CAB39L: variants seen among roughly 807,000 people sequenced by gnomAD.
CAB39L encodes calcium binding protein 39 like, also known as calcium-binding protein 39-like.
Under a neutral mutation model 39.1 loss-of-function variants are expected in CAB39L, and 23 were observed. The observed-to-expected ratio is 0.59, with a 90% CI of 0.42 to 0.83. CAB39L has a LOEUF of 0.83. CAB39L is among the 40% of genes least tolerant of loss of function. The probability of loss-of-function intolerance (pLI) is 0.00; values close to 1 mark genes in which losing one functional copy is unlikely to be tolerated. For missense variants in CAB39L, 366 were observed against 391.9 expected (o/e 0.93, Z 0.56); for synonymous variants, 126 against 137.2 (o/e 0.92, Z 0.57).
chr13:49,367,075 A>G (rs572139604), intron 5 of CAB39L, among the ~76,000 whole-genome samples: 1 of 152,258 alleles, frequency 6.6e-6, no homozygotes, highest in African/African-American at 2.4e-5. Flanking sequence ...AATCCCAGGC[A>G]AGAAATTACT....
In CAB39L at chr13:49,382,958, C is replaced by T. The variant is rs1352311950; in HGVS notation, c.-31-17G>A. ...TATGGAATGCTAAAAACAAATAAGCCAACAAAAATTATAACTTTAACTCTT... is the reference window on the plus strand; with the variant it reads ...TATGGAATGCTAAAAACAAATAAGCTAACAAAAATTATAACTTTAACTCTT... On this transcript the variant is annotated splice_polypyrimidine_tract_variant and intron_variant, in intron 3 of 10. Coordinates refer to ENST00000409308, the MANE Select transcript of CAB39L (RefSeq NM_001079670.3). The T allele has an allele frequency of 9.0e-7, 1 of 1,106,874 alleles. No homozygotes were observed. Among genetic ancestry groups the T allele is most frequent in the East Asian group, 2.4e-5 (1 of 41,786 alleles). The allele number at this position is 1,106,874 out of a possible 1,614,324, so 68.6% of individuals were successfully genotyped here. A position where few individuals can be genotyped will look rare whatever the true frequency, so the allele number is the denominator to read the frequency against.
intron 10 of CAB39L, among the ~76,000 whole-genome samples, chr13:49,317,860 A>G (rs1954207148): frequency 6.6e-6 from 1 of 152,190 alleles, no homozygotes; most frequent in African/African-American, 2.4e-5. Context: ...TGCAAATCAT[A>G]TATCTGATCA....
At chr13:49,425,202 G>A (rs1298926590) in intron 3 of CAB39L, among the ~76,000 whole-genome samples, 1 of 147,352 alleles carries the variant, frequency 6.8e-6, no homozygotes, top group Non-Finnish European at 1.5e-5. Context: ...AACTAAACAG[G>A]AGAACATTTT....
intron 3 of CAB39L, among the ~76,000 whole-genome samples, chr13:49,430,559 T>C (rs1308528757): frequency 6.6e-6 from 1 of 152,034 alleles, no homozygotes; most frequent in East Asian, 1.9e-4. Context: ...TAACTATACA[T>C]TTCTTTTTTC....
At chr13:49,339,772 T>C (rs1954953183) in intron 8 of CAB39L, 30 bp from the exon 9 acceptor site, 3 of 1,521,906 alleles carry the variant, frequency 2.0e-6, no homozygotes, top group East Asian at 2.4e-5. Context: ...CATTAGAGTG[T>C]AAAAGCAGCA....
At chr13:49,344,708 A>T (rs1182551100) in intron 7 of CAB39L, among the ~76,000 whole-genome samples, 1 of 152,038 alleles carries the variant, frequency 6.6e-6, no homozygotes, top group Non-Finnish European at 1.5e-5. Context: ...TATTTTTAGC[A>T]GAGACGGGTT....
intron 3 of CAB39L, among the ~76,000 whole-genome samples, chr13:49,388,724 A>G (rs1467681455): frequency 6.6e-6 from 1 of 152,204 alleles, no homozygotes; most frequent in Non-Finnish European, 1.5e-5. Context: ...AGAATCTACA[A>G]TTATAACTCA....
At position 49,309,701 on chromosome 13, in the gene CAB39L, A is replaced by G. The variant is rs1953933282; in HGVS notation, c.*1113T>C. 1 of 152,248 alleles carries G rather than the reference A, an allele frequency of 6.6e-6. No homozygotes were observed. Among genetic ancestry groups the G allele is most frequent in the Non-Finnish European group, 1.5e-5 (1 of 68,046 alleles). The allele number at this position is 152,248 out of a possible 1,614,324, so 9.4% of individuals were successfully genotyped here. A position where few individuals can be genotyped will look rare whatever the true frequency, so the allele number is the denominator to read the frequency against. On this transcript the variant is annotated 3_prime_UTR_variant, in exon 11 of 11. Transcript: ENST00000409308. ...TAGTCACAAGAGACTATTCAGGACC[A>G]AAACTGTATAGGCTTTCTATGTGTT...
At chr13:49,364,991 C>A (rs1333831854) in intron 5 of CAB39L, among the ~76,000 whole-genome samples, 6 of 151,976 alleles carry the variant, frequency 3.9e-5, no homozygotes, top group Non-Finnish European at 8.8e-5. Flanking sequence ...TAGCCAAAAC[C>A]ATCATGAGCA....
chr13:49,429,478 C>T (rs1278888953), intron 3 of CAB39L, among the ~76,000 whole-genome samples: 1 of 152,194 alleles, frequency 6.6e-6, no homozygotes. Context: ...CCATTTGTCA[C>T]TCTCATAGTC....
chr13:49,373,222 G>C (rs1196459542), intron 5 of CAB39L, among the ~76,000 whole-genome samples: 1 of 152,118 alleles, frequency 6.6e-6, no homozygotes, highest in East Asian at 1.9e-4. Context: ...TGGCCAAAGA[G>C]GGCATTTCTC....
At position 49,310,859 on chromosome 13, in the gene CAB39L, GTTC is replaced by G. The variant is rs1429862179; in HGVS notation, c.966_968del (p.Lys322del). 1.2e-5 allele frequency: 20 copies of G among 1,614,034 alleles called. No homozygotes were observed. The highest frequency in any genetic ancestry group is 1.4e-5 in the Non-Finnish European group (17 of 1,180,040). The stretch of plus-strand genomic sequence containing the variant: ...AGTCTCGGATCTGTTTAATCAAGTA[GTTC>G]TTCTCGTCAGCGAACTGCTCATCAT... On this transcript the variant is annotated inframe_deletion, in exon 11 of 11. Transcript: ENST00000409308.
intron 10 of CAB39L, among the ~76,000 whole-genome samples, chr13:49,331,694 T>C (rs1432788481): frequency 6.6e-6 from 1 of 152,092 alleles, no homozygotes; most frequent in Non-Finnish European, 1.5e-5. Flanking sequence ...GTTTTAGAAG[T>C]TTTGGGAAAG....
chr13:49,373,705 T>C (rs928851120), intron 5 of CAB39L, among the ~76,000 whole-genome samples: 6 of 152,210 alleles, frequency 3.9e-5, no homozygotes, highest in Admixed American at 1.3e-4. Flanking sequence ...ATTCAAACAA[T>C]TCACAAATTA....
chr13:49,339,856 CCTT>C, intron 8 of CAB39L, 114 bp from the exon 9 acceptor site: 1 of 1,228,942 alleles, frequency 8.1e-7, no homozygotes, highest in Non-Finnish European at 1.0e-6. Flanking sequence ...ATTTTACCAT[CCTT>C]CTTTACATGT....
intron 10 of CAB39L, among the ~76,000 whole-genome samples, chr13:49,317,945 GA>G (rs1176211033): frequency 6.6e-6 from 1 of 151,944 alleles, no homozygotes; most frequent in Non-Finnish European, 1.5e-5. Flanking sequence ...CCAAAAAGGG[GA>G]AAAGAACTTG....
chr13:49,376,895 A>G (rs1157809671), intron 5 of CAB39L, 72 bp downstream of exon 5: 3 of 1,058,302 alleles, frequency 2.8e-6, no homozygotes, highest in Non-Finnish European at 4.0e-6. Context: ...TGAATAGTAG[A>G]TAGATAGATA....
chr13:49,418,853 G>A (rs1423600022), intron 3 of CAB39L, among the ~76,000 whole-genome samples: 3 of 151,858 alleles, frequency 2.0e-5, no homozygotes, highest in Admixed American at 6.6e-5. Flanking sequence ...GAGCCACCAC[G>A]CCCAGCCAAG....
At chr13:49,352,251 A>C (rs987551427) in intron 6 of CAB39L, among the ~76,000 whole-genome samples, 1 of 152,004 alleles carries the variant, frequency 6.6e-6, no homozygotes, top group Non-Finnish European at 1.5e-5. Context: ...CAATCTCTCA[A>C]AGTCAAATTC....
Sources: gnomAD v4.1 joint callset for allele counts (sites outside exome capture counted in the v4.1 genomes callset) on GRCh38, gnomAD v4.1.1 for gene constraint, MANE v1.5 for transcripts, NCBI Gene and HGNC (gene_info 2026-07-23, HGNC 2026-07-21) for gene names.